The following DUSP22 variants were observed in gnomAD, a reference collection of about 807,000 sequenced individuals.
The protein encoded by DUSP22 is dual specificity protein phosphatase 22.
In DUSP22, 24 loss-of-function variants were observed where a neutral mutation model predicts 24.5. That is an observed-to-expected ratio of 0.98 (90% CI 0.71 to 1.38). The LOEUF is 1.38. Among genes scored for constraint, DUSP22 ranks in the 40% most tolerant of loss-of-function variants. The pLI, the probability that DUSP22 is intolerant of heterozygous loss-of-function variation, is 0.00. For synonymous variants in DUSP22, 160 were observed against 106.4 expected (o/e 1.50, Z -3.10); for missense variants, 330 against 269.2 (o/e 1.23, Z -1.58).
chr6:329,434 G>A lies in DUSP22; in HGVS notation c.139-5680G>A, dbSNP rs574199983. ...TGTACTTAAGGCCACTGAACTGTAC[G>A]CCTTAAATGGTTACGATGGTAAATC... On this transcript the variant is annotated intron_variant, in intron 3 of 6. Transcript: ENST00000419235. 1.4e-4 allele frequency among the ~76,000 whole-genome samples: 21 copies of A among 152,420 alleles called. No individual in the cohort carries two copies. In the South Asian group the frequency reaches 3.1e-3, roughly 23 times the overall value.
At chr6:318,423 G>A (rs1377857510) in intron 3 of DUSP22, among the ~76,000 whole-genome samples, 1 of 152,312 alleles carries the variant, frequency 6.6e-6, no homozygotes, top group African/African-American at 2.4e-5. Context: ...TGTAAAGGGA[G>A]AGCCTCATTG....
chr6:347,936 G>A (rs935745433), intron 5 of DUSP22, among the ~76,000 whole-genome samples, 167 bp from the exon 6 acceptor site: 1 of 152,308 alleles, frequency 6.6e-6, no homozygotes, highest in Non-Finnish European at 1.5e-5. Flanking sequence ...GAGCTGGTAC[G>A]TTGAGTGCTG....
At chr6:335,518 A>G (rs530250865) in intron 4 of DUSP22, among the ~76,000 whole-genome samples, 4 of 152,410 alleles carry the variant, frequency 2.6e-5, no homozygotes, top group African/African-American at 9.6e-5. Flanking sequence ...GCGCTGTCCA[A>G]TAGAAATAGA....
intron 1 of DUSP22, among the ~76,000 whole-genome samples, chr6:297,389 G>A (rs1325660109): frequency 6.6e-6 from 1 of 152,308 alleles, no homozygotes; most frequent in Non-Finnish European, 1.5e-5. Context: ...ACACTTGTTT[G>A]AGGATGGCTC....
chr6:297,743 A>G (rs552143781), intron 1 of DUSP22, among the ~76,000 whole-genome samples: 135 of 152,388 alleles, frequency 8.9e-4, no homozygotes, highest in Non-Finnish European at 2.5e-4. Flanking sequence ...CTGGAGAGTT[A>G]TCAAAAGGTG....
chr6:347,712 A>T (rs1368839923), intron 5 of DUSP22, among the ~76,000 whole-genome samples: 3 of 152,304 alleles, frequency 2.0e-5, no homozygotes, highest in Non-Finnish European at 4.4e-5. Context: ...AGCATTCTAA[A>T]CAAATGTAGG....
intron 3 of DUSP22, among the ~76,000 whole-genome samples, chr6:317,480 C>CA (rs1211003112): frequency 6.6e-6 from 1 of 152,308 alleles, no homozygotes; most frequent in Non-Finnish European, 1.5e-5. Context: ...GAATTCTCCC[C>CA]TCCCTCCGAG....
chr6:350,506 A>C lies in DUSP22; in HGVS notation c.*1555A>C. 7.8e-7 allele frequency: 1 copy of C among 1,285,532 alleles called. No homozygotes were observed. Among genetic ancestry groups the C allele is most frequent in the Non-Finnish European group, 9.9e-7 (1 of 1,012,720 alleles). 79.6% of individuals were successfully genotyped at this position (1,285,532 alleles called of 1,614,324 possible). ...AAGAGCAGTTTTCCTGTGCATATAG[A>C]GGGTGTGTCAAAGGTGAGCTTTTTG... On this transcript the variant is annotated 3_prime_UTR_variant, in exon 7 of 7. Transcript: ENST00000419235.
intron 4 of DUSP22, among the ~76,000 whole-genome samples, chr6:341,147 C>A (rs1160931885): frequency 1.3e-5 from 2 of 152,420 alleles, no homozygotes; most frequent in Admixed American, 1.3e-4. Context: ...GCATGATAGC[C>A]CCGGGCGCTG....
chr6:336,734 G>T (rs1249254470), intron 4 of DUSP22, among the ~76,000 whole-genome samples: 2 of 152,302 alleles, frequency 1.3e-5, no homozygotes, highest in African/African-American at 4.8e-5. Context: ...GTGGAGGGGG[G>T]ATTTTCCTAG....
Position 292,504 on chromosome 6 carries a change from A to G in DUSP22, c.-36A>G, listed in dbSNP as rs1757131515. The G allele has an allele frequency of 6.2e-7, 1 of 1,603,508 alleles. No homozygotes were observed. Reference sequence around the variant, plus strand: ...AACATGCCATAGTGCGCCTGCGACCACACGGCCGGGGCGCTAGCGTTCGCC... The same window carrying G: ...AACATGCCATAGTGCGCCTGCGACCGCACGGCCGGGGCGCTAGCGTTCGCC... On this transcript the variant is annotated 5_prime_UTR_variant, in exon 1 of 7. Coordinates refer to ENST00000419235, the MANE Select transcript of DUSP22 (RefSeq NM_001286555.3).
chr6:314,108 A>G (rs1253544660), intron 3 of DUSP22, among the ~76,000 whole-genome samples: 1 of 152,296 alleles, frequency 6.6e-6, no homozygotes, highest in Non-Finnish European at 1.5e-5. Context: ...TGATCCCGGG[A>G]GAGAAATGGG....
intron 4 of DUSP22, among the ~76,000 whole-genome samples, chr6:335,476 C>G (rs781386512): frequency 4.7e-4 from 72 of 152,378 alleles, no homozygotes; most frequent in South Asian, 1.2e-3. Context: ...GAAATAAAAC[C>G]GTGAAGGATT....
At chr6:312,364 G>C (rs1758149794) in intron 3 of DUSP22, among the ~76,000 whole-genome samples, 5 of 152,238 alleles carry the variant, frequency 3.3e-5, no homozygotes, top group Admixed American at 3.3e-4. Context: ...GCTACCACTG[G>C]CATTCAGGGG....
chr6:304,484 G>A lies in DUSP22; in HGVS notation c.22-144G>A. 7 of 1,250,928 alleles carry A rather than the reference G, an allele frequency of 5.6e-6. No homozygotes were observed. The South Asian group carries it at 7.2e-5, about 13-fold the overall frequency. 77.5% of individuals were successfully genotyped at this position (1,250,928 alleles called of 1,614,324 possible). On this transcript the variant is annotated intron_variant, in intron 1 of 6. Coordinates refer to ENST00000419235, the MANE Select transcript of DUSP22 (RefSeq NM_001286555.3). ...TTCCACAGGCCGCTGGGGATGTTGG[G>A]TCACCCGCGTGTCTGTCAGGGAGGT...
In DUSP22 at chr6:350,769, G is replaced by A. The variant is rs1435586536; in HGVS notation, c.*1818G>A. 6.2e-6 allele frequency: 10 copies of A among 1,614,014 alleles called. No homozygotes were observed. The highest frequency in any genetic ancestry group is 8.5e-6 in the Non-Finnish European group (10 of 1,179,982). ...ACAAACCTCTCAGTGTATTCTTGGA[G>A]TTCTTGAAATGTTGTTTTAATATTT... On this transcript the variant is annotated 3_prime_UTR_variant, in exon 7 of 7. Transcript: ENST00000419235.
At chr6:334,659 T>C (rs1759283558) in intron 3 of DUSP22, among the ~76,000 whole-genome samples, 2 of 152,308 alleles carry the variant, frequency 1.3e-5, no homozygotes, top group South Asian at 2.1e-4. Context: ...GGTACTAAAA[T>C]TGATGTAGAA....
intron 3 of DUSP22, among the ~76,000 whole-genome samples, chr6:331,324 G>T (rs1759130289): frequency 6.6e-6 from 1 of 152,308 alleles, no homozygotes; most frequent in South Asian, 2.1e-4. Flanking sequence ...AATATTAGAG[G>T]TAGTATGAGG....
intron 4 of DUSP22, chr6:338,109 G>A (rs1581185306): frequency 6.6e-6 from 1 of 152,462 alleles, no homozygotes; most frequent in Non-Finnish European, 1.5e-5. Context: ...CTCTGCTGTT[G>A]GGAGTCATGC....
Sources: allele counts gnomAD v4.1 joint callset (sites outside exome capture counted in the v4.1 genomes callset), GRCh38; gene constraint gnomAD v4.1.1; transcripts MANE v1.5; gene names NCBI Gene and HGNC (gene_info 2026-07-23, HGNC 2026-07-21).